The following CCNY variants were observed in gnomAD, a reference collection of about 807,000 sequenced individuals.
CCNY encodes cyclin Y.
In CCNY, 19 loss-of-function variants were observed where a neutral mutation model predicts 42.8. The ratio of observed to expected loss-of-function variants is 0.44; its 90% confidence interval spans 0.31 to 0.65. The LOEUF is 0.65. CCNY is among the 30% of genes least tolerant of loss of function. The pLI is 0.07. For synonymous variants in CCNY, 165 were observed against 162.7 expected, an observed-to-expected ratio of 1.01 and a Z score of -0.11; for missense variants, 370 against 437.3, an observed-to-expected ratio of 0.85 and a Z score of 1.37.
At chr10:35,364,986 A>G (rs1257413341) in intron 1 of CCNY, among the ~76,000 whole-genome samples, 1 of 152,214 alleles carries the variant, frequency 6.6e-6, no homozygotes, top group African/African-American at 2.4e-5. Context: ...GGGCATGTTT[A>G]ACTATCAGTA....
rs1838662695 is a variant in CCNY, at chr10:35,441,337, G to C, written c.155-42067G>C. On this transcript the variant is annotated intron_variant, in intron 1 of 9. Transcript: ENST00000374704. ...GACAAGATGAATAAGAGCTTTCCCTGATGTTAAGTGTTTGTGGCCTTAGAG... is the reference window on the plus strand; with the variant it reads ...GACAAGATGAATAAGAGCTTTCCCTCATGTTAAGTGTTTGTGGCCTTAGAG... Among the ~76,000 whole-genome samples, 3 of 152,212 alleles carry C rather than the reference G, an allele frequency of 2.0e-5. No homozygotes were observed. The South Asian group carries it at 6.2e-4, about 32-fold the overall frequency.
At chr10:35,419,923 ATTTT>A (rs1218102375) in intron 1 of CCNY, among the ~76,000 whole-genome samples, 6 of 135,582 alleles carry the variant, frequency 4.4e-5, no homozygotes, top group African/African-American at 1.6e-4. Context: ...TATGGCTGTA[ATTTT>A]TTTTTTTTTT....
intron 1 of CCNY, among the ~76,000 whole-genome samples, chr10:35,415,054 G>A (rs866143663): frequency 3.3e-5 from 5 of 152,202 alleles, no homozygotes; most frequent in African/African-American, 1.2e-4. Context: ...GGCAAAGCAT[G>A]ATGTAGTTTT....
intron 3 of CCNY, among the ~76,000 whole-genome samples, chr10:35,324,200 G>A (rs1835854179): frequency 6.6e-6 from 1 of 152,132 alleles, no homozygotes; most frequent in African/African-American, 2.4e-5. Context: ...CTTGTCCTCA[G>A]AAAGGCAATG....
chr10:35,421,000 A>G (rs571670919), intron 1 of CCNY, among the ~76,000 whole-genome samples: 3 of 152,290 alleles, frequency 2.0e-5, no homozygotes, highest in African/African-American at 4.8e-5. Context: ...CGTACTTAAC[A>G]TTTATTTGTT....
At chr10:35,260,410 G>T (rs536865356) in intron 3 of CCNY, among the ~76,000 whole-genome samples, 1 of 152,074 alleles carries the variant, frequency 6.6e-6, no homozygotes, top group Non-Finnish European at 1.5e-5. Flanking sequence ...CATCATTCCC[G>T]TCACTCCCAC....
intron 3 of CCNY, chr10:35,314,527 A>G (rs1835729884): frequency 6.6e-6 from 1 of 152,212 alleles, no homozygotes; most frequent in Non-Finnish European, 1.5e-5. Flanking sequence ...GGTGGAACAC[A>G]GGCAAAACAT....
At chr10:35,479,578 G>A (rs1222740719) in intron 1 of CCNY, among the ~76,000 whole-genome samples, 1 of 129,396 alleles carries the variant, frequency 7.7e-6, no homozygotes, top group East Asian at 2.2e-4. Context: ...GACACAGGAA[G>A]GGGAACATCA....
Position 35,516,571 on chromosome 10 carries a change from T to A in CCNY, c.313T>A (p.Phe105Ile), listed in dbSNP as rs1285087866. The A allele has an allele frequency of 6.2e-7, 1 of 1,613,796 alleles. No homozygotes were observed. Among genetic ancestry groups the A allele is most frequent in the South Asian group, 1.1e-5 (1 of 91,054 alleles). The part of the protein sequence containing the change: ...ARKYSSCSTI[F>I]LDDSTVSQPN... ...GAAATACAGTTCCTGCTCCACCATT[T>A]TCCTAGATGATAGCACAGTCAGTCA... The change falls in exon 4 of 10, where the codon TTC (phenylalanine) becomes ATC (isoleucine). Residue 105 changes from phenylalanine (F) to isoleucine (I), a missense_variant. Around this residue, in one of 2 missense-constraint regions of CCNY, gnomAD observed 234 missense variants for 313.1 expected, o/e 0.75. Transcript: ENST00000374704.
intron 2 of CCNY, among the ~76,000 whole-genome samples, chr10:35,499,049 C>T (rs1840058789): frequency 6.6e-6 from 1 of 152,078 alleles, no homozygotes. Context: ...CCTGATTCCT[C>T]CCTGAGATTG....
At chr10:35,406,141 G>A (rs1837755274) in intron 1 of CCNY, among the ~76,000 whole-genome samples, 1 of 149,364 alleles carries the variant, frequency 6.7e-6, no homozygotes, top group African/African-American at 2.5e-5. Flanking sequence ...AAGTCCTGTT[G>A]TGGGGTTTGA....
chr10:35,378,762 G>A (rs913318422), intron 1 of CCNY, among the ~76,000 whole-genome samples: 4 of 152,150 alleles, frequency 2.6e-5, no homozygotes, highest in African/African-American at 9.7e-5. Context: ...CACAGAGGGT[G>A]TACTGTTACA....
chr10:35,490,377 G>T (rs184933890), intron 2 of CCNY, among the ~76,000 whole-genome samples: 1 of 152,326 alleles, frequency 6.6e-6, no homozygotes, highest in Admixed American at 6.5e-5. Context: ...GTGAGAAAAA[G>T]TCTGATTTTA....
At chr10:35,462,783 C>T (rs1206550887) in intron 1 of CCNY, among the ~76,000 whole-genome samples, 1 of 152,188 alleles carries the variant, frequency 6.6e-6, no homozygotes, top group Non-Finnish European at 1.5e-5. Context: ...CAAGTTGTGT[C>T]CCAGATCTCA....
chr10:35,319,642 G>A (rs12217321), intron 3 of CCNY, among the ~76,000 whole-genome samples: 42,823 of 152,030 alleles, frequency 0.28, 6,350 homozygotes, highest in Admixed American at 0.35. Context: ...TTGGGAGGCC[G>A]AGGTGGGTGA....
At chr10:35,388,557 G>T (rs565628186) in intron 1 of CCNY, among the ~76,000 whole-genome samples, 1 of 152,192 alleles carries the variant, frequency 6.6e-6, no homozygotes, top group South Asian at 2.1e-4. Context: ...TCCTCTCCTT[G>T]TTGGGTGTGG....
chr10:35,537,882 G>A (rs1421314292), intron 7 of CCNY, among the ~76,000 whole-genome samples: 4 of 152,136 alleles, frequency 2.6e-5, no homozygotes, highest in Non-Finnish European at 4.4e-5. Flanking sequence ...TGAAATGTGA[G>A]GACATGAGAT....
At position 35,530,170 on chromosome 10, in the gene CCNY, A is replaced by G. The variant is rs373953848; in HGVS notation, c.506A>G (p.Lys169Arg). The G allele has an allele frequency of 1.9e-5, 30 of 1,614,244 alleles. No homozygotes were observed. The highest frequency in any genetic ancestry group is 5.3e-5 in the African/African-American group (4 of 75,064). Residue 169 changes from lysine to arginine, a missense_variant, in exon 7 of 10, where the codon AAG (lysine) becomes AGG (arginine). Around this residue, in one of 2 missense-constraint regions of CCNY, gnomAD observed 234 missense variants for 313.1 expected, o/e 0.75. Coordinates refer to ENST00000374704, the MANE Select transcript of CCNY (RefSeq NM_145012.6). This position sits in a 1 kb window ranked among gnomAD's most constrained non-coding sequence, Gnocchi z 4.3. ...TATGACAAACACAACCCAGAGCAGA[A>G]GCAGATTTACCGGTTCGTTCGGACA... ...PDYDKHNPEQ[K>R]QIYRFVRTLF...
intron 1 of CCNY, among the ~76,000 whole-genome samples, chr10:35,466,926 G>A (rs928813968): frequency 5.9e-5 from 9 of 152,186 alleles, no homozygotes; most frequent in African/African-American, 1.9e-4. Context: ...GCCTGCACCA[G>A]CATGCCCAGC....
Sources: gnomAD v4.1 joint callset for allele counts (sites outside exome capture counted in the v4.1 genomes callset) on GRCh38, gnomAD v4.1.1 for gene constraint, gnomAD v4.1.1 regional missense constraint, Gnocchi (gnomAD v3.1) non-coding constraint, MANE v1.5 for transcripts, NCBI Gene and HGNC (gene_info 2026-07-23, HGNC 2026-07-21) for gene names.